The following LPP variants were observed in gnomAD, a reference collection of about 807,000 sequenced individuals.
LPP encodes the protein LIM domain containing preferred translocation partner in lipoma, also known as lipoma-preferred partner.
Under a neutral mutation model 60.4 loss-of-function variants are expected in LPP, and 38 were observed. That is an observed-to-expected ratio of 0.63 (90% CI 0.49 to 0.83). The LOEUF (loss-of-function observed/expected upper bound fraction) is 0.83, where lower values mean the gene tolerates loss of function less well. LPP is among the 40% of genes least tolerant of loss of function. The pLI is 0.00. For synonymous variants in LPP, 328 were observed against 290.8 expected, an observed-to-expected ratio of 1.13 and a Z score of -1.30; for missense variants, 902 against 783.6, an observed-to-expected ratio of 1.15 and a Z score of -1.80.
chr3:188,717,635 G>A (rs1184645900), intron 8 of LPP, among the ~76,000 whole-genome samples: 1 of 151,972 alleles, frequency 6.6e-6, no homozygotes, highest in Non-Finnish European at 1.5e-5. Context: ...TTTGAGTTGT[G>A]GGAATAGAAT....
intron 9 of LPP, among the ~76,000 whole-genome samples, 157 bp downstream of exon 9, chr3:188,760,439 T>TGCGC (rs1470294600): frequency 6.7e-6 from 1 of 149,922 alleles, no homozygotes; most frequent in African/African-American, 2.5e-5. Flanking sequence ...TGTGTGTGCG[T>TGCGC]GCGCGCATGT....
At chr3:188,233,711 T>C (rs1720887592) in intron 2 of LPP, among the ~76,000 whole-genome samples, 1 of 152,202 alleles carries the variant, frequency 6.6e-6, no homozygotes, top group Non-Finnish European at 1.5e-5. Context: ...GGAGATATAT[T>C]CTTTACTTTT....
intron 4 of LPP, among the ~76,000 whole-genome samples, chr3:188,418,605 A>G (rs1007322698): frequency 1.3e-5 from 2 of 152,196 alleles, no homozygotes; most frequent in Admixed American, 6.5e-5. Flanking sequence ...TAATTTTTCC[A>G]TCATTATTTT....
Position 188,887,386 on chromosome 3 carries a change from C to A in LPP, c.*12907C>A. On this transcript the variant is annotated 3_prime_UTR_variant, in exon 12 of 12. Transcript: ENST00000617246. ...TTATAAACTGGAAATAGGAGAGTAG[C>A]TTGAGCAGGTTATGATATATCTGCC... The A allele has an allele frequency of 4.6e-6, 1 of 215,874 alleles. No individual in the cohort carries two copies. 13.4% of individuals were successfully genotyped at this position (215,874 alleles called of 1,614,324 possible).
chr3:188,210,992 G>A (rs1734550536), intron 1 of LPP, among the ~76,000 whole-genome samples: 1 of 152,110 alleles, frequency 6.6e-6, no homozygotes, highest in Non-Finnish European at 1.5e-5. Context: ...TATTTTAATA[G>A]TAACTTATAT....
chr3:188,165,088 A>G (rs1349356249), intron 1 of LPP, among the ~76,000 whole-genome samples: 1 of 152,032 alleles, frequency 6.6e-6, no homozygotes, highest in Non-Finnish European at 1.5e-5. Context: ...CCTGGGTAAT[A>G]TAGCAAGATC....
At chr3:188,537,574 C>A (rs1300878757) in intron 6 of LPP, among the ~76,000 whole-genome samples, 1 of 152,238 alleles carries the variant, frequency 6.6e-6, no homozygotes, top group Middle Eastern at 3.4e-3. Flanking sequence ...AATACAAAGT[C>A]TCTGTCGATT....
chr3:188,860,731 A>G (rs539540876), intron 9 of LPP, among the ~76,000 whole-genome samples: 3 of 152,342 alleles, frequency 2.0e-5, no homozygotes, highest in African/African-American at 4.8e-5. Flanking sequence ...ATTTTATGCA[A>G]GCATACTGTT....
intron 9 of LPP, among the ~76,000 whole-genome samples, chr3:188,820,329 CAGAGG>C (rs990964383): frequency 6.6e-5 from 10 of 151,748 alleles, no homozygotes; most frequent in Admixed American, 6.6e-4. Context: ...GAGTCAAGAA[CAGAGG>C]AGAGGAGACT....
In LPP at chr3:188,307,781, TGG is replaced by T. The variant is rs1577997669; in HGVS notation, c.-66-33880_-66-33879del. Reference sequence around the variant, plus strand: ...TAGTCCTATGAGATAAGCTCATAACTGGGATGTTCAATATGACTTTATTAACA... The same window carrying T: ...TAGTCCTATGAGATAAGCTCATAACTGATGTTCAATATGACTTTATTAACA... On this transcript the variant is annotated intron_variant, in intron 2 of 11. Transcript: ENST00000617246. 3.9e-5 allele frequency among the ~76,000 whole-genome samples: 6 copies of T among 152,324 alleles called. No individual in the cohort carries two copies. In the East Asian group the frequency reaches 1.2e-3, roughly 29 times the overall value.
chr3:188,732,716 C>G (rs559268346), intron 8 of LPP, among the ~76,000 whole-genome samples: 1 of 74,318 alleles, frequency 1.3e-5, no homozygotes, highest in Non-Finnish European at 2.4e-5. Flanking sequence ...AGACTCTTAT[C>G]AAAAAAAAAA....
At chr3:188,292,170 G>A (rs4276174) in intron 2 of LPP, among the ~76,000 whole-genome samples, 9,104 of 152,192 alleles carry the variant, frequency 0.06, 409 homozygotes, top group Non-Finnish European at 0.093. Flanking sequence ...GAGAAGTGAA[G>A]GTACAATTCC....
chr3:188,424,308 G>T (rs112719233), intron 4 of LPP, among the ~76,000 whole-genome samples: 91,709 of 151,360 alleles, frequency 0.61, 29,971 homozygotes, highest in East Asian at 0.99. Context: ...TGTTTCATTG[G>T]TCTATATATC....
chr3:188,334,811 G>A (rs1761192840), intron 2 of LPP, among the ~76,000 whole-genome samples: 1 of 152,102 alleles, frequency 6.6e-6, no homozygotes, highest in Non-Finnish European at 1.5e-5. Flanking sequence ...CACCAACAGT[G>A]TATGAATTCC....
intron 9 of LPP, among the ~76,000 whole-genome samples, chr3:188,824,500 T>C (rs1236825176): frequency 6.6e-6 from 1 of 152,164 alleles, no homozygotes; most frequent in African/African-American, 2.4e-5. Context: ...GATAATCCTG[T>C]TGAATAGCAC....
intron 1 of LPP, among the ~76,000 whole-genome samples, chr3:188,187,845 A>G (rs969994939): frequency 6.6e-6 from 1 of 152,152 alleles, no homozygotes; most frequent in African/African-American, 2.4e-5. Flanking sequence ...TCAGAAGCAG[A>G]TATGTTATTA....
At chr3:188,517,346 AAGACAGATG>A (rs1817651237) in intron 5 of LPP, among the ~76,000 whole-genome samples, 5 of 152,244 alleles carry the variant, frequency 3.3e-5, no homozygotes, top group Admixed American at 2.6e-4. Context: ...AATTTCATCA[AAGACAGATG>A]ATGGAAAAAA....
At position 188,352,508 on chromosome 3, in the gene LPP, T is replaced by A. The variant is rs943812570; in HGVS notation, c.-10+10789T>A. ...CCCTCAGTTGCCACTTGGAAACGGT[T>A]GGAAACTGTAGATCAGGCACAGACA... is the stretch of plus-strand genomic sequence containing the variant. On this transcript the variant is annotated intron_variant, in intron 3 of 11. Transcript: ENST00000617246. The surrounding 1 kb of genome is among the most constrained non-coding windows in gnomAD (Gnocchi z 4.4). Among the ~76,000 whole-genome samples, 3 of 152,194 alleles carry A rather than the reference T, an allele frequency of 2.0e-5. No homozygotes were observed. Among genetic ancestry groups the A allele is most frequent in the African/African-American group, 7.2e-5 (3 of 41,444 alleles).
chr3:188,617,316 T>G (rs542467595), intron 7 of LPP, among the ~76,000 whole-genome samples: 1 of 152,318 alleles, frequency 6.6e-6, no homozygotes, highest in Admixed American at 6.5e-5. Context: ...AATGACCTCA[T>G]GTGAATGCAA....
Sources: gnomAD v4.1 joint callset for allele counts (sites outside exome capture counted in the v4.1 genomes callset) on GRCh38, gnomAD v4.1.1 for gene constraint, Gnocchi (gnomAD v3.1) non-coding constraint, MANE v1.5 for transcripts, NCBI Gene and HGNC (gene_info 2026-07-23, HGNC 2026-07-21) for gene names.